Variants in COL22A1 observed in about 807,000 individuals in gnomAD.
COL22A1 encodes collagen type XXII alpha 1 chain, also known as collagen alpha-1(XXII) chain.
A neutral mutation model predicts 248.9 loss-of-function variants in COL22A1; 221 were observed. That is an observed-to-expected ratio of 0.89 (90% CI 0.80 to 0.99). The LOEUF is 0.99. COL22A1 is among the 50% of genes least tolerant of loss of function. COL22A1 has a pLI of 0.00. For missense variants in COL22A1, 2,240 were observed against 2,179.0 expected (o/e 1.03, Z -0.56); for synonymous variants, 891 against 793.4 (o/e 1.12, Z -2.07).
chr8:138,618,125 C>T (rs571021149), intron 53 of COL22A1, among the ~76,000 whole-genome samples: 26 of 152,314 alleles, frequency 1.7e-4, no homozygotes, highest in African/African-American at 6.3e-4. Flanking sequence ...CTACCTTCTC[C>T]TTTAGTACTT....
chr8:138,688,575 G>A (rs937886155), intron 37 of COL22A1, among the ~76,000 whole-genome samples: 5 of 152,034 alleles, frequency 3.3e-5, no homozygotes, highest in Non-Finnish European at 7.4e-5. Context: ...GAGCATAGGT[G>A]TATAATGGAT....
chr8:138,842,628 C>T (rs1298689757), intron 4 of COL22A1, among the ~76,000 whole-genome samples: 1 of 152,172 alleles, frequency 6.6e-6, no homozygotes, highest in African/African-American at 2.4e-5. Flanking sequence ...TACACCTTGG[C>T]AAAGTATTGC....
intron 1 of COL22A1, among the ~76,000 whole-genome samples, chr8:138,902,772 A>ACACACT (rs1288034650): frequency 6.6e-6 from 1 of 150,886 alleles, no homozygotes; most frequent in Non-Finnish European, 1.5e-5. Flanking sequence ...ACACACACAC[A>ACACACT]CACACACACA....
chr8:138,612,892 C>T lies in COL22A1; in HGVS notation c.3978+975G>A, dbSNP rs142153996. On this transcript the variant is annotated intron_variant, in intron 56 of 64. Transcript: ENST00000303045. ...CAGAGGTTGCAATGAGCCAAGATCACGCCACTGCACTCCAGCCTGGGTGAC... is the reference window on the plus strand; with the variant it reads ...CAGAGGTTGCAATGAGCCAAGATCATGCCACTGCACTCCAGCCTGGGTGAC... 6.5e-3 allele frequency among the ~76,000 whole-genome samples: 936 copies of T among 143,152 alleles called. 11 individuals are homozygous for T. The highest frequency in any genetic ancestry group is 0.023 in the African/African-American group (870 of 38,218). The allele number at this position is 143,152 out of a possible 152,430, so 93.9% of individuals were successfully genotyped here.
intron 41 of COL22A1, among the ~76,000 whole-genome samples, chr8:138,675,496 A>T (rs961376859): frequency 1.3e-5 from 2 of 152,190 alleles, no homozygotes; most frequent in Admixed American, 1.3e-4. Flanking sequence ...ATAAAGTTAG[A>T]TTGTGCTTTT....
intron 18 of COL22A1, 88 bp from the exon 19 acceptor site, chr8:138,755,917 C>T: frequency 9.0e-7 from 1 of 1,115,264 alleles, no homozygotes. Context: ...TCTTGTGGGC[C>T]CAGGGGACCA....
intron 12 of COL22A1, among the ~76,000 whole-genome samples, chr8:138,790,824 G>A (rs762463112): frequency 1.7e-4 from 26 of 152,106 alleles, no homozygotes; most frequent in Non-Finnish European, 2.6e-4. Context: ...CAGTTATACA[G>A]TGGTCAGAGT....
chr8:138,836,992 T>C (rs1820488936), intron 4 of COL22A1, among the ~76,000 whole-genome samples: 1 of 152,216 alleles, frequency 6.6e-6, no homozygotes, highest in Non-Finnish European at 1.5e-5. Context: ...GAGTTCCAGC[T>C]GGGACAGTGA....
intron 3 of COL22A1, among the ~76,000 whole-genome samples, chr8:138,846,014 C>A (rs73720619): frequency 0.017 from 2,646 of 152,278 alleles, 78 homozygotes; most frequent in African/African-American, 0.06. Context: ...CAAATGAGAT[C>A]TTTCCTGATT....
At chr8:138,696,130 A>G (rs1453804487) in intron 32 of COL22A1, among the ~76,000 whole-genome samples, 1 of 152,212 alleles carries the variant, frequency 6.6e-6, no homozygotes, top group African/African-American at 2.4e-5. Context: ...AAGACATCAA[A>G]GAGAAACAGC....
At chr8:138,880,886 T>G (rs1172159357) in intron 2 of COL22A1, among the ~76,000 whole-genome samples, 3 of 152,200 alleles carry the variant, frequency 2.0e-5, no homozygotes, top group Non-Finnish European at 4.4e-5. Context: ...TACAGAAGTT[T>G]CATTTGTTCA....
chr8:138,813,104 G>A (rs1262362801), intron 7 of COL22A1, 85 bp from the exon 8 acceptor site: 8 of 997,006 alleles, frequency 8.0e-6, no homozygotes, highest in Non-Finnish European at 1.3e-5. Flanking sequence ...GCCCCGTCCT[G>A]GTATCTGGTT....
chr8:138,809,492 G>A (rs1178314010), intron 9 of COL22A1, among the ~76,000 whole-genome samples: 1 of 148,612 alleles, frequency 6.7e-6, no homozygotes, highest in Non-Finnish European at 1.5e-5. Context: ...GGAGGAGAGG[G>A]TGTATTTCTT....
intron 47 of COL22A1, among the ~76,000 whole-genome samples, chr8:138,645,401 G>C (rs56028525): frequency 0.036 from 5,425 of 152,268 alleles, 296 homozygotes; most frequent in African/African-American, 0.12. Flanking sequence ...CTCAGGCATA[G>C]TGTCTATTCT....
At chr8:138,817,427 G>T (rs1818762745) in intron 7 of COL22A1, among the ~76,000 whole-genome samples, 1 of 152,180 alleles carries the variant, frequency 6.6e-6, no homozygotes, top group South Asian at 2.1e-4. Context: ...CTTGATAATG[G>T]ATAGCACTGT....
chr8:138,653,702 T>C (rs530813260), intron 45 of COL22A1, among the ~76,000 whole-genome samples: 2 of 152,288 alleles, frequency 1.3e-5, no homozygotes, highest in East Asian at 3.9e-4. Context: ...TATGAAGTTA[T>C]AAAACTCTCT....
At chr8:138,861,506 G>T (rs1018718509) in intron 3 of COL22A1, among the ~76,000 whole-genome samples, 9 of 152,220 alleles carry the variant, frequency 5.9e-5, no homozygotes, top group African/African-American at 1.9e-4. Flanking sequence ...CATCCTGCAG[G>T]ACTCAACGCG....
intron 43 of COL22A1, among the ~76,000 whole-genome samples, chr8:138,661,054 GCA>G (rs1427996508): frequency 5.3e-5 from 6 of 113,146 alleles, no homozygotes; most frequent in African/African-American, 7.3e-5. Context: ...ACACACACAC[GCA>G]CACACACCCA....
chr8:138,633,011 A>G (rs1820854925), intron 49 of COL22A1, among the ~76,000 whole-genome samples: 2 of 152,218 alleles, frequency 1.3e-5, no homozygotes, highest in Admixed American at 1.3e-4. Flanking sequence ...CAGAAAATAA[A>G]TACTAAAAGA....
Sources: allele counts gnomAD v4.1 joint callset (sites outside exome capture counted in the v4.1 genomes callset), GRCh38; gene constraint gnomAD v4.1.1; transcripts MANE v1.5; gene names NCBI Gene and HGNC (gene_info 2026-07-23, HGNC 2026-07-21).